Variants in ZNF804A observed in about 807,000 individuals in gnomAD.
ZNF804A encodes the protein zinc finger protein 804A.
Under a neutral mutation model 16.5 loss-of-function variants are expected in ZNF804A, and 2 were observed. That is an observed-to-expected ratio of 0.12 (90% CI 0.05 to 0.38). ZNF804A has a LOEUF of 0.38. ZNF804A is among the 10% of genes least tolerant of loss of function. The pLI, the probability that ZNF804A is intolerant of heterozygous loss-of-function variation, is 0.99. For missense variants in ZNF804A, 1,473 were observed against 1,390.7 expected (o/e 1.06, Z -0.94); for synonymous variants, 534 against 489.6 (o/e 1.09, Z -1.20).
chr2:184,759,689 T>A (rs373836340), intron 1 of ZNF804A, among the ~76,000 whole-genome samples: 2 of 152,158 alleles, frequency 1.3e-5, no homozygotes, highest in East Asian at 3.9e-4. Context: ...TACATCCAGA[T>A]GACCTGAAGT....
chr2:184,671,953 A>G (rs918268254), intron 1 of ZNF804A, among the ~76,000 whole-genome samples: 35 of 152,236 alleles, frequency 2.3e-4, no homozygotes, highest in African/African-American at 8.2e-4. Context: ...TCAGTTGTTT[A>G]TAAGATGAAC....
At chr2:184,909,869 T>A (rs1685329973) in intron 2 of ZNF804A, among the ~76,000 whole-genome samples, 1 of 152,032 alleles carries the variant, frequency 6.6e-6, no homozygotes, top group Non-Finnish European at 1.5e-5. Flanking sequence ...ATTGTTCAGA[T>A]CAAAAGCAAT....
intron 1 of ZNF804A, among the ~76,000 whole-genome samples, chr2:184,606,251 C>T (rs947016273): frequency 1.2e-4 from 19 of 152,164 alleles, no homozygotes; most frequent in African/African-American, 4.6e-4. Context: ...CACATTTCCA[C>T]GTGGCTGGGG....
intron 1 of ZNF804A, among the ~76,000 whole-genome samples, chr2:184,771,519 G>A (rs1023941840): frequency 2.0e-5 from 3 of 151,728 alleles, no homozygotes; most frequent in African/African-American, 7.3e-5. Context: ...GGCCAAGGAA[G>A]GAGGATCACT....
chr2:184,767,534 A>T (rs897862733), intron 1 of ZNF804A, among the ~76,000 whole-genome samples: 1 of 152,116 alleles, frequency 6.6e-6, no homozygotes, highest in East Asian at 1.9e-4. Flanking sequence ...ATATGAATGT[A>T]TTGAACACTG....
intron 1 of ZNF804A, among the ~76,000 whole-genome samples, chr2:184,814,174 T>C (rs1198499295): frequency 6.6e-6 from 1 of 151,790 alleles, no homozygotes; most frequent in Admixed American, 6.6e-5. Flanking sequence ...TTCCTGATAG[T>C]TCCATGTTTG....
Position 184,936,116 on chromosome 2 carries a change from C to G in ZNF804A, c.720C>G (p.Ala240=), listed in dbSNP as rs769462747. The G allele has an allele frequency of 1.9e-6, 3 of 1,613,978 alleles. No individual in the cohort carries two copies. Among genetic ancestry groups the G allele is most frequent in the Non-Finnish European group, 2.5e-6 (3 of 1,179,958 alleles). The change falls in exon 4 of 4, where the codon GCC becomes GCG. Residue 240 remains alanine (A), a synonymous_variant. Coordinates refer to ENST00000302277, the MANE Select transcript of ZNF804A (RefSeq NM_194250.2). The part of the protein sequence containing the change: ...AAAFSEYSDD[A]SVGKGFSRKS... ...CCTTCTCTGAATACAGTGATGATGC[C>G]TCAGTGGGAAAAGGATTTAGCAGAA...
At chr2:184,898,160 C>T (rs950835640) in intron 2 of ZNF804A, among the ~76,000 whole-genome samples, 4 of 152,174 alleles carry the variant, frequency 2.6e-5, no homozygotes, top group African/African-American at 4.8e-5. Context: ...CTATACTTAA[C>T]CCTGTGTTAT....
At chr2:184,810,256 T>C (rs1244057199) in intron 1 of ZNF804A, among the ~76,000 whole-genome samples, 2 of 152,104 alleles carry the variant, frequency 1.3e-5, no homozygotes, top group Non-Finnish European at 1.5e-5. Context: ...TTATAGAGAA[T>C]TTGCCAACGC....
intron 1 of ZNF804A, among the ~76,000 whole-genome samples, chr2:184,791,712 A>C (rs1022274205): frequency 1.3e-5 from 2 of 152,108 alleles, no homozygotes; most frequent in Non-Finnish European, 2.9e-5. Context: ...CAAAGTCCAT[A>C]GTTTACATTA....
At chr2:184,629,159 T>C (rs563886007) in intron 1 of ZNF804A, among the ~76,000 whole-genome samples, 3 of 152,280 alleles carry the variant, frequency 2.0e-5, no homozygotes, top group African/African-American at 7.2e-5. Flanking sequence ...CTTTATATAT[T>C]CATAGTATAT....
chr2:184,828,387 G>C (rs1345989510), intron 1 of ZNF804A, among the ~76,000 whole-genome samples: 1 of 151,626 alleles, frequency 6.6e-6, no homozygotes, highest in Admixed American at 6.6e-5. Context: ...TAAAAACTGT[G>C]TATTCTATTT....
At chr2:184,750,815 A>G (rs1693866446) in intron 1 of ZNF804A, among the ~76,000 whole-genome samples, 1 of 151,320 alleles carries the variant, frequency 6.6e-6, no homozygotes, top group Admixed American at 6.6e-5. Flanking sequence ...CTTTTGCCTG[A>G]TACCTCCATG....
At chr2:184,746,382 T>A (rs1468555674) in intron 1 of ZNF804A, among the ~76,000 whole-genome samples, 1 of 151,320 alleles carries the variant, frequency 6.6e-6, no homozygotes, top group East Asian at 1.9e-4. Flanking sequence ...GCTACCACTA[T>A]GAGATCGATG....
intron 1 of ZNF804A, among the ~76,000 whole-genome samples, chr2:184,814,023 G>GTTTTTTTTTTTTTTTT (rs1231774388): frequency 4.6e-5 from 5 of 109,336 alleles, no homozygotes; most frequent in South Asian, 3.2e-4. Flanking sequence ...TTTTTTTTTG[G>GTTTTTTTTTTTTTTTT]CTTGTCTACT....
chr2:184,781,301 A>G (rs951274515), intron 1 of ZNF804A, among the ~76,000 whole-genome samples: 3 of 151,750 alleles, frequency 2.0e-5, no homozygotes, highest in Non-Finnish European at 4.4e-5. Flanking sequence ...CCTAGGTACA[A>G]TGCCTATGTC....
At chr2:184,903,262 C>T (rs1205540403) in intron 2 of ZNF804A, among the ~76,000 whole-genome samples, 2 of 152,112 alleles carry the variant, frequency 1.3e-5, no homozygotes, top group East Asian at 3.9e-4. Context: ...TTCAAAAATA[C>T]AGTCAAGCAC....
intron 1 of ZNF804A, among the ~76,000 whole-genome samples, chr2:184,815,765 C>A (rs1251857609): frequency 6.6e-6 from 1 of 151,822 alleles, no homozygotes; most frequent in African/African-American, 2.4e-5. Context: ...ATAATCGCAA[C>A]ATGTAATATA....
rs190376828 is a variant in ZNF804A, at chr2:184,840,849, A to G, written c.112-25520A>G. The stretch of plus-strand genomic sequence containing the variant: ...CCACTCTTTTCTTCTCTGACCTTGT[A>G]TCTACTCAAACATAGACCCTAGGTA... On this transcript the variant is annotated intron_variant, in intron 1 of 3. Coordinates refer to ENST00000302277, the MANE Select transcript of ZNF804A (RefSeq NM_194250.2). Among the ~76,000 whole-genome samples the G allele has an allele frequency of 5.3e-5, 8 of 152,260 alleles. No homozygotes were observed. The East Asian group carries it at 1.4e-3, about 26-fold the overall frequency.
Sources: gnomAD v4.1 joint callset for allele counts (sites outside exome capture counted in the v4.1 genomes callset) on GRCh38, gnomAD v4.1.1 for gene constraint, MANE v1.5 for transcripts, NCBI Gene and HGNC (gene_info 2026-07-23, HGNC 2026-07-21) for gene names.